Variants in KCNH1 observed in about 807,000 individuals in gnomAD.
KCNH1 encodes voltage-gated delayed rectifier potassium channel KCNH1.
Under a neutral mutation model 69.2 loss-of-function variants are expected in KCNH1, and 27 were observed. That is an observed-to-expected ratio of 0.39 (90% CI 0.29 to 0.54). The LOEUF is 0.54. Among genes scored for constraint, KCNH1 ranks in the 20% least tolerant of loss-of-function variants. KCNH1 has a pLI of 0.68. For missense variants in KCNH1, 798 were observed against 1,261.6 expected, an observed-to-expected ratio of 0.63 and a Z score of 5.57; for synonymous variants, 456 against 487.7, an observed-to-expected ratio of 0.93 and a Z score of 0.86.
intron 7 of KCNH1, among the ~76,000 whole-genome samples, chr1:210,882,492 T>C (rs536537043): frequency 6.6e-5 from 10 of 152,284 alleles, no homozygotes; most frequent in African/African-American, 2.2e-4. Context: ...GGATCAAAAA[T>C]AGCCCTCGGA....
At chr1:210,969,049 G>A (rs902552570) in intron 6 of KCNH1, among the ~76,000 whole-genome samples, 1 of 151,778 alleles carries the variant, frequency 6.6e-6, no homozygotes, top group Non-Finnish European at 1.5e-5. Context: ...CCTTTCATCT[G>A]TTAATGTAAT....
intron 9 of KCNH1, among the ~76,000 whole-genome samples, chr1:210,778,381 G>A (rs773405320): frequency 6.6e-6 from 1 of 151,938 alleles, no homozygotes; most frequent in Non-Finnish European, 1.5e-5. Flanking sequence ...AAAATAGCTG[G>A]GCATGGTGGC....
intron 10 of KCNH1, among the ~76,000 whole-genome samples, chr1:210,738,552 C>CT (rs57669878): frequency 0.051 from 2,486 of 49,158 alleles, 499 homozygotes; most frequent in Middle Eastern, 0.1. Flanking sequence ...GGCTTTTTTG[C>CT]TTTTTTTTTT....
intron 10 of KCNH1, among the ~76,000 whole-genome samples, chr1:210,732,072 C>A (rs1166362027): frequency 1.3e-5 from 2 of 151,948 alleles, no homozygotes; most frequent in Non-Finnish European, 1.5e-5. Flanking sequence ...TGGGAGGGAG[C>A]CCAGGCCAGC....
chr1:210,851,430 A>C (rs1037635834), intron 7 of KCNH1, among the ~76,000 whole-genome samples: 2 of 152,234 alleles, frequency 1.3e-5, no homozygotes, highest in African/African-American at 4.8e-5. Context: ...TGGATTTGAG[A>C]GTCAGGAACT....
chr1:210,926,251 A>C (rs1292828971), intron 6 of KCNH1, among the ~76,000 whole-genome samples: 1 of 151,404 alleles, frequency 6.6e-6, no homozygotes, highest in Non-Finnish European at 1.5e-5. Flanking sequence ...CAACAAGAGC[A>C]AAACTCCATC....
intron 7 of KCNH1, among the ~76,000 whole-genome samples, chr1:210,916,268 T>G (rs1250718801): frequency 6.6e-6 from 1 of 152,178 alleles, no homozygotes; most frequent in African/African-American, 2.4e-5. Context: ...ACAAGGATAA[T>G]TACCAACGCA....
At chr1:210,892,519 T>C (rs1205802929) in intron 7 of KCNH1, among the ~76,000 whole-genome samples, 2 of 152,172 alleles carry the variant, frequency 1.3e-5, no homozygotes, top group African/African-American at 2.4e-5. Flanking sequence ...CATCCCAGCA[T>C]GGGTCACACC....
At chr1:210,907,219 C>A (rs1407554274) in intron 7 of KCNH1, among the ~76,000 whole-genome samples, 2 of 152,084 alleles carry the variant, frequency 1.3e-5, no homozygotes, top group African/African-American at 4.8e-5. Context: ...AACTCAGGAC[C>A]ACTTCCAGGG....
intron 6 of KCNH1, among the ~76,000 whole-genome samples, chr1:210,930,597 GA>G (rs1246420595): frequency 3.3e-5 from 5 of 151,970 alleles, no homozygotes; most frequent in African/African-American, 9.7e-5. Context: ...GATAACATTG[GA>G]AAAAACCCTT....
chr1:210,865,323 G>A (rs948156237), intron 7 of KCNH1, among the ~76,000 whole-genome samples: 3 of 152,126 alleles, frequency 2.0e-5, no homozygotes, highest in East Asian at 1.9e-4. Flanking sequence ...ATTACTCCAC[G>A]TTTTACCTGA....
chr1:210,835,272 A>C (rs994127520), intron 7 of KCNH1, among the ~76,000 whole-genome samples: 44 of 144,288 alleles, frequency 3.0e-4, no homozygotes, highest in Middle Eastern at 3.4e-3. Flanking sequence ...CACAGAGTTC[A>C]GTCTCTTATT....
Position 210,718,945 on chromosome 1 carries a change from C to A in KCNH1, c.2113-34807G>T, listed in dbSNP as rs180814797. On this transcript the variant is annotated intron_variant, in intron 10 of 10. Transcript: ENST00000271751. ...GGGATCAATGATATCTCAATGGAATCAAAAACCATTTTCAGATTTCCAGCG... is the reference window on the plus strand; with the variant it reads ...GGGATCAATGATATCTCAATGGAATAAAAAACCATTTTCAGATTTCCAGCG... Among the ~76,000 whole-genome samples, 65 of 152,090 alleles carry A rather than the reference C, an allele frequency of 4.3e-4. No homozygotes were observed. In the East Asian group the frequency reaches 0.012, roughly 29 times the overall value.
chr1:211,111,989 TC>T (rs1691476030), intron 1 of KCNH1, among the ~76,000 whole-genome samples: 1 of 142,746 alleles, frequency 7.0e-6, no homozygotes. Context: ...GAGGAGCACC[TC>T]TGCTTGGCTG....
At chr1:210,738,408 T>G (rs1358901425) in intron 10 of KCNH1, among the ~76,000 whole-genome samples, 1 of 152,144 alleles carries the variant, frequency 6.6e-6, no homozygotes, top group Non-Finnish European at 1.5e-5. Context: ...TAGCTAAAGC[T>G]GGGCACATGA....
At chr1:210,864,792 T>C (rs1686068504) in intron 7 of KCNH1, among the ~76,000 whole-genome samples, 1 of 152,226 alleles carries the variant, frequency 6.6e-6, no homozygotes, top group East Asian at 1.9e-4. Context: ...TTCTTATACC[T>C]GGAGCCTCAG....
At chr1:210,957,625 T>G (rs2102352727) in intron 6 of KCNH1, among the ~76,000 whole-genome samples, 1 of 152,306 alleles carries the variant, frequency 6.6e-6, no homozygotes. Flanking sequence ...ATATTTAGGT[T>G]AGTTAGCGCT....
At chr1:211,082,499 A>G (rs1571632369) in intron 5 of KCNH1, among the ~76,000 whole-genome samples, 1 of 152,208 alleles carries the variant, frequency 6.6e-6, no homozygotes. Context: ...ATGTACATGA[A>G]GCACTTCTAG....
At chr1:210,757,757 TTTAA>T (rs1337045378) in intron 10 of KCNH1, among the ~76,000 whole-genome samples, 1 of 152,246 alleles carries the variant, frequency 6.6e-6, no homozygotes, top group African/African-American at 2.4e-5. Flanking sequence ...TGCTCCATTG[TTTAA>T]TTATGCAAAC....
Sources: allele counts gnomAD v4.1 joint callset (sites outside exome capture counted in the v4.1 genomes callset), GRCh38; gene constraint gnomAD v4.1.1; transcripts MANE v1.5; gene names NCBI Gene and HGNC (gene_info 2026-07-23, HGNC 2026-07-21).